Variants in EPHA7 observed in about 807,000 individuals in gnomAD.
The protein encoded by EPHA7 is EPH receptor A7.
In EPHA7, 25 loss-of-function variants were observed where a neutral mutation model predicts 112.6. The ratio of observed to expected loss-of-function variants is 0.22; its 90% confidence interval spans 0.16 to 0.31. The LOEUF (loss-of-function observed/expected upper bound fraction) is 0.31, where lower values mean the gene tolerates loss of function less well. Among genes scored for constraint, EPHA7 ranks in the 10% least tolerant of loss-of-function variants. EPHA7 has a pLI of 1.00. For missense variants in EPHA7, 962 were observed against 1,212.6 expected (o/e 0.79, Z 3.07); for synonymous variants, 437 against 406.5 (o/e 1.07, Z -0.90).
chr6:93,250,536 T>C (rs1770160856), intron 14 of EPHA7, among the ~76,000 whole-genome samples: 2 of 152,170 alleles, frequency 1.3e-5, no homozygotes, highest in African/African-American at 2.4e-5. Context: ...TAGCTGTTAG[T>C]AGAAAAGACA....
chr6:93,397,991 CA>C (rs977287003), intron 3 of EPHA7, among the ~76,000 whole-genome samples: 13 of 151,732 alleles, frequency 8.6e-5, no homozygotes, highest in South Asian at 6.2e-4. Flanking sequence ...TGTTCTTTTA[CA>C]GATCTAACAT....
At chr6:93,343,540 G>T (rs961746844) in intron 5 of EPHA7, among the ~76,000 whole-genome samples, 18 of 151,652 alleles carry the variant, frequency 1.2e-4, no homozygotes, top group African/African-American at 4.4e-4. Flanking sequence ...AATTAAAATT[G>T]AAAACAGGCA....
chr6:93,267,249 A>G (rs186142435), intron 7 of EPHA7, among the ~76,000 whole-genome samples: 1 of 151,888 alleles, frequency 6.6e-6, no homozygotes, highest in Non-Finnish European at 1.5e-5. Flanking sequence ...GGCTGTGTTT[A>G]ATAACAGCTG....
At chr6:93,369,298 GA>G (rs965720326) in intron 3 of EPHA7, among the ~76,000 whole-genome samples, 8 of 151,792 alleles carry the variant, frequency 5.3e-5, no homozygotes, top group African/African-American at 1.7e-4. Flanking sequence ...CTTCATAAGA[GA>G]AAACCAGTTA....
intron 2 of EPHA7, among the ~76,000 whole-genome samples, chr6:93,412,905 A>G (rs941949013): frequency 6.6e-6 from 1 of 151,980 alleles, no homozygotes; most frequent in Admixed American, 6.6e-5. Flanking sequence ...AGAAAAATCA[A>G]TTTTACTACC....
intron 5 of EPHA7, among the ~76,000 whole-genome samples, chr6:93,312,329 G>C (rs966921775): frequency 2.0e-5 from 3 of 152,060 alleles, no homozygotes; most frequent in Non-Finnish European, 2.9e-5. Flanking sequence ...ATCTTAGCTA[G>C]ACCTTTTAGA....
At chr6:93,303,192 C>T (rs1378958437) in intron 5 of EPHA7, among the ~76,000 whole-genome samples, 5 of 152,056 alleles carry the variant, frequency 3.3e-5, no homozygotes, top group Non-Finnish European at 5.9e-5. Flanking sequence ...TTGCTCAGAC[C>T]AGAGAATGTG....
At chr6:93,348,474 T>C (rs1291146052) in intron 5 of EPHA7, among the ~76,000 whole-genome samples, 2 of 151,830 alleles carry the variant, frequency 1.3e-5, no homozygotes, top group Non-Finnish European at 2.9e-5. Flanking sequence ...AATTATATTT[T>C]CAACAAGCTT....
chr6:93,307,058 C>T (rs932266489), intron 5 of EPHA7, among the ~76,000 whole-genome samples: 5 of 151,770 alleles, frequency 3.3e-5, no homozygotes, highest in Non-Finnish European at 7.4e-5. Context: ...TATTTGAATA[C>T]AGGACTTAAA....
At position 93,269,517 on chromosome 6, in the gene EPHA7, A is replaced by G. The variant is rs758012819; in HGVS notation, c.1593T>C (p.Asp531=). The G allele has an allele frequency of 1.9e-6, 3 of 1,611,246 alleles. No homozygotes were observed. Among genetic ancestry groups the G allele is most frequent in the East Asian group, 2.2e-5 (1 of 44,734 alleles). The change falls in exon 7 of 17, where the codon GAT becomes GAC. Residue 531 remains aspartate (D), a synonymous_variant. Coordinates refer to ENST00000369303, the MANE Select transcript of EPHA7 (RefSeq NM_004440.4). ...CTGTAGCTTCCTCTAGTGTAGCAAC[A>G]TCAAGTCTGGGACTGTAATTTCCAT... ...AGYGNYSPRL[D]VATLEEATGK... is the part of the protein sequence containing the mutation.
intron 9 of EPHA7, chr6:93,260,338 G>T: frequency 5.3e-6 from 1 of 190,334 alleles, no homozygotes; most frequent in Non-Finnish European, 9.7e-6. Context: ...CCAGAAGCAT[G>T]CAGGTAACAG....
At chr6:93,301,045 T>C (rs1162118970) in intron 5 of EPHA7, among the ~76,000 whole-genome samples, 1 of 152,164 alleles carries the variant, frequency 6.6e-6, no homozygotes, top group African/African-American at 2.4e-5. Context: ...AAACATATGG[T>C]ATTATAATCT....
intron 5 of EPHA7, among the ~76,000 whole-genome samples, chr6:93,330,020 C>T (rs895754091): frequency 1.3e-5 from 2 of 151,176 alleles, no homozygotes; most frequent in South Asian, 2.1e-4. Context: ...GAGAAAAATG[C>T]CACAGTCAGT....
intron 15 of EPHA7, among the ~76,000 whole-genome samples, chr6:93,245,770 A>C (rs1769917180): frequency 6.6e-6 from 1 of 152,184 alleles, no homozygotes; most frequent in South Asian, 2.1e-4. Flanking sequence ...TTGGGAGTAA[A>C]TGATGCACAT....
At chr6:93,303,551 T>C (rs960813716) in intron 5 of EPHA7, among the ~76,000 whole-genome samples, 9 of 152,128 alleles carry the variant, frequency 5.9e-5, no homozygotes, top group African/African-American at 1.9e-4. Flanking sequence ...CTAGCATACA[T>C]ATTACCTTAA....
At chr6:93,358,717 C>G (rs938859146) in intron 3 of EPHA7, among the ~76,000 whole-genome samples, 1 of 152,072 alleles carries the variant, frequency 6.6e-6, no homozygotes, top group African/African-American at 2.4e-5. Flanking sequence ...CATTTAATTC[C>G]GATATATAAT....
chr6:93,273,103 A>G (rs1035546369), intron 5 of EPHA7, among the ~76,000 whole-genome samples: 3 of 151,980 alleles, frequency 2.0e-5, no homozygotes, highest in Non-Finnish European at 2.9e-5. Flanking sequence ...GAAAGGAGCA[A>G]TTCAAAGCTA....
rs140575306 is a variant in EPHA7 at position 93,282,762 on chromosome 6, C to T, written c.1325-10340G>A. On this transcript the variant is annotated intron_variant, in intron 5 of 16. Transcript: ENST00000369303. ...TCAGAGCCGCGGGACCTGCCAGCCC[C>T]GAGCAGTGAGGGGCTTAGCACCTGG... Among the ~76,000 whole-genome samples the T allele has an allele frequency of 4.8e-3, 733 of 152,250 alleles. 4 individuals are homozygous for T. Among genetic ancestry groups the T allele is most frequent in the Middle Eastern group, 0.014 (4 of 292 alleles).
intron 5 of EPHA7, among the ~76,000 whole-genome samples, chr6:93,288,088 G>A (rs904734572): frequency 1.3e-5 from 2 of 151,932 alleles, no homozygotes; most frequent in Non-Finnish European, 2.9e-5. Context: ...TTATCTACCC[G>A]CAAGAAATGA....
Sources: gnomAD v4.1 joint callset for allele counts (sites outside exome capture counted in the v4.1 genomes callset) on GRCh38, gnomAD v4.1.1 for gene constraint, MANE v1.5 for transcripts, NCBI Gene and HGNC (gene_info 2026-07-23, HGNC 2026-07-21) for gene names.